IGSF10: variants seen among roughly 807,000 people sequenced by gnomAD.
IGSF10 encodes the protein calvaria mechanical force protein 608.
Under a neutral mutation model 128.2 loss-of-function variants are expected in IGSF10, and 126 were observed. That is an observed-to-expected ratio of 0.98 (90% CI 0.85 to 1.14). The LOEUF (loss-of-function observed/expected upper bound fraction) is 1.14, where lower values mean the gene tolerates loss of function less well. Ranked by LOEUF, IGSF10 falls within the 50% of genes most tolerant of loss-of-function variation. The pLI is 0.00. For missense variants in IGSF10, 3,295 were observed against 3,149.8 expected (o/e 1.05, Z -1.10); for synonymous variants, 1,185 against 1,146.2 (o/e 1.03, Z -0.68).
the IGSF10 span, among the ~76,000 whole-genome samples, chr3:151,564,705 G>A: frequency 6.6e-6 from 1 of 152,234 alleles, no homozygotes; most frequent in East Asian, 1.9e-4. Flanking sequence ...AGGTATGCAT[G>A]TCCTTAGAGG....
At chr3:151,510,709 A>C in the IGSF10 span, among the ~76,000 whole-genome samples, 4 of 152,142 alleles carry the variant, frequency 2.6e-5, no homozygotes, top group South Asian at 8.3e-4. Flanking sequence ...GAAGTTAAAA[A>C]CTTTGAAAAA....
the IGSF10 span, among the ~76,000 whole-genome samples, chr3:151,551,444 C>T: frequency 6.6e-6 from 1 of 151,776 alleles, no homozygotes; most frequent in Non-Finnish European, 1.5e-5. Context: ...TGCATCACCT[C>T]AATAACGCAT....
At chr3:151,493,126 TTAAA>T in the IGSF10 span, among the ~76,000 whole-genome samples, 1 of 152,024 alleles carries the variant, frequency 6.6e-6, no homozygotes, top group African/African-American at 2.4e-5. Flanking sequence ...GAAAAAAAGG[TTAAA>T]TAGAATGAAA....
At chr3:151,456,939 T>C in intron 4 of IGSF10, 87 bp downstream of exon 4, 1 of 1,299,712 alleles carries the variant, frequency 7.7e-7, no homozygotes, top group African/African-American at 1.5e-5. Context: ...GATTTTCGTA[T>C]TGTGTAGAGA....
chr3:151,437,791 T>G lies in IGSF10; in HGVS notation c.6770A>C (p.Lys2257Thr). 1.9e-6 allele frequency: 3 copies of G among 1,613,890 alleles called. No homozygotes were observed. Among genetic ancestry groups the G allele is most frequent in the Non-Finnish European group, 8.5e-7 (1 of 1,179,986 alleles). Reference protein sequence around the residue: ...IKATAVRHSKKHFDCRAEGTP... With the variant: ...IKATAVRHSKTHFDCRAEGTP... ...CCCTTCAGCTCTGCAGTCAAAGTGT[T>G]TTTTGGAATGTCTCACAGCTGTGGC... The change falls in exon 8 of 8, where the codon AAA (lysine) becomes ACA (threonine). Residue 2257 changes from lysine (K) to threonine (T), a missense_variant. Coordinates refer to ENST00000282466, the MANE Select transcript of IGSF10 (RefSeq NM_178822.5).
upstream of IGSF10, among the ~76,000 whole-genome samples, chr3:151,463,554 T>TG (rs1722164366): frequency 4.4e-5 from 5 of 112,868 alleles, no homozygotes; most frequent in African/African-American, 7.6e-5. Flanking sequence ...TTTTTTTTTT[T>TG]TTTTTTTCTG....
the IGSF10 span, among the ~76,000 whole-genome samples, chr3:151,572,253 T>C: frequency 2.0e-5 from 3 of 152,286 alleles, no homozygotes; most frequent in South Asian, 6.2e-4. Context: ...TTAGGGAGGA[T>C]TCTCTCTTTT....
the IGSF10 span, among the ~76,000 whole-genome samples, chr3:151,617,169 TTCC>T: frequency 7.3e-6 from 1 of 137,634 alleles, no homozygotes; most frequent in Non-Finnish European, 1.6e-5. Flanking sequence ...CTCCCCTCTC[TTCC>T]TCCTCCTCTG....
At chr3:151,594,892 T>C in the IGSF10 span, among the ~76,000 whole-genome samples, 2 of 151,858 alleles carry the variant, frequency 1.3e-5, no homozygotes, top group African/African-American at 4.8e-5. Context: ...CCCCAAAAGA[T>C]GTACAATTAT....
At chr3:151,432,625 A>G (rs1719662458), downstream of IGSF10, 2 of 685,020 alleles carry the variant, frequency 2.9e-6, no homozygotes, top group Non-Finnish European at 5.2e-6. Context: ...GGGCAAGGAT[A>G]GTACTCTCCG....
chr3:151,573,920 C>T, the IGSF10 span, among the ~76,000 whole-genome samples: 1 of 152,248 alleles, frequency 6.6e-6, no homozygotes, highest in East Asian at 1.9e-4. Context: ...GTAAGGGAGG[C>T]CTAGTGGTGA....
the IGSF10 span, among the ~76,000 whole-genome samples, chr3:151,601,630 T>C: frequency 6.6e-6 from 1 of 152,164 alleles, no homozygotes; most frequent in Non-Finnish European, 1.5e-5. Context: ...GTTTAAAACA[T>C]AGGCTAAAAT....
At chr3:151,585,547 T>C in the IGSF10 span, among the ~76,000 whole-genome samples, 1 of 152,190 alleles carries the variant, frequency 6.6e-6, no homozygotes. Context: ...TATTTGCTGA[T>C]ATTTTTATTT....
the IGSF10 span, among the ~76,000 whole-genome samples, chr3:151,541,237 A>G: frequency 7.2e-5 from 11 of 152,176 alleles, no homozygotes; most frequent in Non-Finnish European, 1.2e-4. Context: ...GTTATCTAAA[A>G]CATATTTTAC....
In IGSF10 at chr3:151,436,914, G is replaced by A; in HGVS notation, c.7647C>T (p.His2549=). 6.2e-7 allele frequency: 1 copy of A among 1,614,216 alleles called. No individual in the cohort carries two copies. The highest frequency in any genetic ancestry group is 1.1e-5 in the South Asian group (1 of 91,078). Residue 2549 remains histidine (H), a synonymous_variant, in exon 8 of 8, where the codon CAC becomes CAT. Coordinates refer to ENST00000282466, the MANE Select transcript of IGSF10 (RefSeq NM_178822.5). ...GCTTGGGAACTCCCAAGGCCACACA[G>A]TGGAGCTGAAAGGCTGCCCCTGTCC... is the stretch of plus-strand genomic sequence containing the variant. ...VTRTGAAFQL[H]CVALGVPKPE...
the IGSF10 span, among the ~76,000 whole-genome samples, chr3:151,553,364 A>C: frequency 2.0e-5 from 3 of 152,122 alleles, no homozygotes; most frequent in Non-Finnish European, 4.4e-5. Flanking sequence ...GTTTTCATTA[A>C]ATAACATTTT....
the IGSF10 span, among the ~76,000 whole-genome samples, chr3:151,514,231 G>A: frequency 6.6e-6 from 1 of 152,054 alleles, no homozygotes; most frequent in Admixed American, 6.5e-5. Flanking sequence ...ATACTACAAG[G>A]TTACAGTAAC....
upstream of IGSF10, among the ~76,000 whole-genome samples, chr3:151,465,171 T>A (rs1416802382): frequency 6.6e-6 from 1 of 152,218 alleles, no homozygotes; most frequent in African/African-American, 2.4e-5. Flanking sequence ...GAACAAGAGT[T>A]AAGATTTTAC....
Position 151,445,990 on chromosome 3 carries a change from T to C in IGSF10, c.3991A>G (p.Thr1331Ala). ...TTPTFPASVI[T>A]YETQTERSRA... The stretch of plus-strand genomic sequence containing the variant: ...GATCTCTCTGTTTGGGTTTCATAAG[T>C]GATGACAGATGCAGGGAAGGTAGGA... The change falls in exon 6 of 8, where the codon ACT becomes GCT. Residue 1331 changes from threonine to alanine, a missense_variant. Coordinates refer to ENST00000282466, the MANE Select transcript of IGSF10 (RefSeq NM_178822.5). The C allele has an allele frequency of 6.2e-7, 1 of 1,614,180 alleles. No individual in the cohort carries two copies. The highest frequency in any genetic ancestry group is 2.2e-5 in the East Asian group (1 of 44,882).
Sources: allele counts gnomAD v4.1 joint callset (sites outside exome capture counted in the v4.1 genomes callset), GRCh38; gene constraint gnomAD v4.1.1; transcripts MANE v1.5; gene names NCBI Gene and HGNC (gene_info 2026-07-23, HGNC 2026-07-21).